ZMAT1: variants seen among roughly 807,000 people sequenced by gnomAD.
The protein encoded by ZMAT1 is zinc finger matrin-type protein 1.
Under a neutral mutation model 18.5 loss-of-function variants are expected in ZMAT1, and 11 were observed. The observed-to-expected ratio is 0.59, with a 90% CI of 0.37 to 0.98. The LOEUF (loss-of-function observed/expected upper bound fraction) is 0.98. ZMAT1 is among the 50% of genes least tolerant of loss of function. The pLI is 0.01. For missense variants in ZMAT1, 525 were observed against 496.2 expected, an observed-to-expected ratio of 1.06 and a Z score of -0.55; for synonymous variants, 211 against 176.4, an observed-to-expected ratio of 1.20 and a Z score of -1.55.
At chrX:101,886,043 C>T (rs533594651) in intron 5 of ZMAT1, among the ~76,000 whole-genome samples, 1 of 111,817 alleles carries the variant, frequency 8.9e-6, no homozygotes, top group East Asian at 2.8e-4. Flanking sequence ...ACTAACCAAT[C>T]TCCAACTGTC....
rs1323515272 is a variant in ZMAT1 at position 101,916,638 on chromosome X, C to T, written c.293-12308G>A. Among the ~76,000 whole-genome samples the T allele has an allele frequency of 2.7e-5, 3 of 111,221 alleles. No individual in the cohort carries two copies. In the East Asian group the frequency reaches 8.4e-4, roughly 31 times the overall value. On this transcript the variant is annotated intron_variant, in intron 1 of 5. Coordinates refer to ENST00000651725, the MANE Select transcript of ZMAT1 (RefSeq NM_001394560.1). ...AAGCAATCTACAGATTCAAAGCAAT[C>T]CCTATCAAAACACCAATGACATTCT... is the stretch of plus-strand genomic sequence containing the variant.
chrX:101,885,874 A>G (rs1926902835), intron 5 of ZMAT1, among the ~76,000 whole-genome samples: 1 of 110,531 alleles, frequency 9.0e-6, no homozygotes, highest in African/African-American at 3.3e-5. Flanking sequence ...TCAGGTAGAG[A>G]TAAGGTCTCA....
In ZMAT1 at chrX:101,904,338, T is replaced by G; in HGVS notation, c.293-8A>C. 8.7e-7 allele frequency: 1 copy of G among 1,149,689 alleles called. No individual in the cohort carries two copies. The allele number at this position is 1,149,689 out of a possible 1,213,427, so 94.7% of individuals were successfully genotyped here. A position where few individuals can be genotyped will look rare whatever the true frequency, so the allele number is the denominator to read the frequency against. On this transcript the variant is annotated splice_polypyrimidine_tract_variant and splice_region_variant and intron_variant, in intron 1 of 5. Transcript: ENST00000651725. ...GTTCATTCCAAATGGCGTCTGTGAA[T>G]AAAAAAGGGAAGACAAATATATCAC...
intron 1 of ZMAT1, among the ~76,000 whole-genome samples, chrX:101,905,171 T>C (rs1048049131): frequency 2.7e-5 from 3 of 112,086 alleles, no homozygotes; most frequent in Non-Finnish European, 3.8e-5. Flanking sequence ...ACAAACTATC[T>C]TTGCCCATAG....
intron 1 of ZMAT1, among the ~76,000 whole-genome samples, chrX:101,919,536 T>C (rs754537042): frequency 1.1e-4 from 12 of 111,628 alleles, no homozygotes; most frequent in African/African-American, 3.6e-4. Flanking sequence ...CAATTCCTAA[T>C]TTCATGAAAT....
chrX:101,924,243 C>T (rs1929918306), intron 1 of ZMAT1, among the ~76,000 whole-genome samples: 2 of 111,374 alleles, frequency 1.8e-5, no homozygotes, highest in South Asian at 7.5e-4. Flanking sequence ...TCCCAAGTAG[C>T]CAGGATTACA....
In ZMAT1 at chrX:101,884,152, G is replaced by T; in HGVS notation, c.1446C>A (p.His482Gln). ...TGACATCAACCATTTCTCTGTTCCT[G>T]TGTGTTTCTACAGAGCTATCTCCTA... The part of the protein sequence containing the change: ...RKIGDSSVET[H>Q]RNREMVDVRP... Residue 482 changes from histidine (H) to glutamine (Q), a missense_variant, in exon 6 of 6, where the codon CAC (histidine) becomes CAA (glutamine). Transcript: ENST00000651725. The T allele has an allele frequency of 8.3e-7, 1 of 1,210,301 alleles. No homozygotes were observed. Among genetic ancestry groups the T allele is most frequent in the South Asian group, 1.8e-5 (1 of 56,966 alleles).
At position 101,883,904 on chromosome X, in the gene ZMAT1, G is replaced by T; in HGVS notation, c.1694C>A (p.Ser565Tyr). 1 of 1,210,286 alleles carries T rather than the reference G, an allele frequency of 8.3e-7. No individual in the cohort carries two copies. The highest frequency in any genetic ancestry group is 1.1e-6 in the Non-Finnish European group (1 of 894,997). Residue 565 changes from serine to tyrosine, a missense_variant, in exon 6 of 6, where the codon TCT becomes TAT. Physicochemically the swap from Ser to Tyr is moderately radical, Grantham distance 144. Coordinates refer to ENST00000651725, the MANE Select transcript of ZMAT1 (RefSeq NM_001394560.1). ...PLSLNQQENN[S>Y]GSYSVESEVY... ...TTCAGATTCTACACTGTATGAGCCAGAGTTATTTTCTTGCTGATTAAGGCT... is the reference window on the plus strand; with the variant it reads ...TTCAGATTCTACACTGTATGAGCCATAGTTATTTTCTTGCTGATTAAGGCT...
chrX:101,926,057 AG>A (rs1930034592), intron 1 of ZMAT1, among the ~76,000 whole-genome samples: 1 of 112,322 alleles, frequency 8.9e-6, no homozygotes, highest in African/African-American at 3.2e-5. Context: ...TAAAGAATTG[AG>A]GGAGGTAAAC....
At chrX:101,897,116 G>C (rs1264078013) in intron 4 of ZMAT1, among the ~76,000 whole-genome samples, 1 of 109,650 alleles carries the variant, frequency 9.1e-6, no homozygotes, top group Non-Finnish European at 1.9e-5. Context: ...ACGCAAAAAA[G>C]ACGCCAAGGG....
intron 2 of ZMAT1, among the ~76,000 whole-genome samples, chrX:101,901,857 T>C (rs1036561877): frequency 8.9e-6 from 1 of 112,481 alleles, no homozygotes; most frequent in Non-Finnish European, 1.9e-5. Flanking sequence ...CTCTAGTTCA[T>C]TCATGCTATA....
chrX:101,911,070 A>C (rs1193636890), intron 1 of ZMAT1, among the ~76,000 whole-genome samples: 1 of 111,843 alleles, frequency 8.9e-6, no homozygotes, highest in Non-Finnish European at 1.9e-5. Flanking sequence ...GAGCTCCAAT[A>C]TGTCAGGCAG....
In ZMAT1 at chrX:101,904,310, C is replaced by T; in HGVS notation, c.313G>A (p.Glu105Lys). 1 of 1,201,599 alleles carries T rather than the reference C, an allele frequency of 8.3e-7. No individual in the cohort carries two copies. The highest frequency in any genetic ancestry group is 2.3e-4 in the Middle Eastern group (1 of 4,313). Residue 105 changes from glutamate to lysine, a missense_variant, in exon 2 of 6, where the codon GAA becomes AAA. Physicochemically the swap from Glu to Lys is moderately conservative, Grantham distance 56 (BLOSUM62 1). Transcript: ENST00000651725. ...LREDAIWNEQEKAELFTDKFC... is the reference protein window; with the variant it reads ...LREDAIWNEQKKAELFTDKFC... ...TTATCTGTAAAAAGTTCAGCCTTTT[C>T]CTGTTCATTCCAAATGGCGTCTGTG... is the stretch of plus-strand genomic sequence containing the variant.
intron 1 of ZMAT1, among the ~76,000 whole-genome samples, chrX:101,914,025 CAAT>C (rs1314873271): frequency 9.0e-6 from 1 of 111,158 alleles, no homozygotes; most frequent in African/African-American, 3.3e-5. Flanking sequence ...AACTAGAAAT[CAAT>C]AATAATAGGA....
At chrX:101,894,536 A>G in intron 4 of ZMAT1, 2 of 627,586 alleles carry the variant, frequency 3.2e-6, no homozygotes, top group Non-Finnish European at 3.8e-6. Context: ...CCATTTGGAT[A>G]TGTGAATCTA....
rs1052639791 is a variant in ZMAT1 at position 101,931,920 on chromosome X, T to G, written c.89A>C (p.Tyr30Ser). Residue 30 changes from tyrosine (Y) to serine (S), a missense_variant, in exon 1 of 6, where the codon TAC (tyrosine) becomes TCC (serine). Tyr to Ser is a moderately radical substitution (Grantham distance 144). Coordinates refer to ENST00000651725, the MANE Select transcript of ZMAT1 (RefSeq NM_001394560.1). Reference sequence around the variant, plus strand: ...CGCCGCCGCTGCCGCGCAGGCGGTGTAGGAGGAGGAGGAGGCGGCAGAGAC... The same window carrying G: ...CGCCGCCGCTGCCGCGCAGGCGGTGGAGGAGGAGGAGGAGGCGGCAGAGAC... ...ATVSAASSSS[Y>S]TACAAAAAAA... 4 of 788,904 alleles carry G rather than the reference T, an allele frequency of 5.1e-6. No homozygotes were observed. The highest frequency in any genetic ancestry group is 1.4e-4 in the East Asian group (1 of 7,044). 65.0% of individuals were successfully genotyped at this position (788,904 alleles called of 1,213,427 possible). A position where few individuals can be genotyped will look rare whatever the true frequency, so the allele number is the denominator to read the frequency against.
chrX:101,892,745 A>G, intron 4 of ZMAT1: 1 of 751,239 alleles, frequency 1.3e-6, no homozygotes, highest in East Asian at 1.5e-4. Context: ...CTGTGCTAAT[A>G]AGATCTGAGC....
At chrX:101,931,679 A>G (rs1930503427) in intron 1 of ZMAT1, 38 bp downstream of exon 1, 1 of 754,608 alleles carries the variant, frequency 1.3e-6, no homozygotes, top group African/African-American at 2.3e-5. Context: ...GCAGCGAAGG[A>G]GATGGGGCCG....
In ZMAT1 at chrX:101,883,490, G is replaced by C. The variant is rs780977623; in HGVS notation, c.*20C>G. On this transcript the variant is annotated 3_prime_UTR_variant, in exon 6 of 6. Coordinates refer to ENST00000651725, the MANE Select transcript of ZMAT1 (RefSeq NM_001394560.1). ...TGTTTTTTTTTTTCAATTCAACCTTGGGTAAACAAAACTAAACATTCAAAA... is the reference window on the plus strand; with the variant it reads ...TGTTTTTTTTTTTCAATTCAACCTTCGGTAAACAAAACTAAACATTCAAAA... 5.5e-6 allele frequency: 6 copies of C among 1,089,091 alleles called. No individual in the cohort carries two copies. Among genetic ancestry groups the C allele is most frequent in the Admixed American group, 6.1e-5 (2 of 32,928 alleles). The allele number at this position is 1,089,091 out of a possible 1,213,427, so 89.8% of individuals were successfully genotyped here.
Sources: gnomAD v4.1 joint callset for allele counts (sites outside exome capture counted in the v4.1 genomes callset) on GRCh38, gnomAD v4.1.1 for gene constraint, MANE v1.5 for transcripts, NCBI Gene and HGNC (gene_info 2026-07-23, HGNC 2026-07-21) for gene names.